The following ZC3H12B variants were observed in gnomAD, a reference collection of about 807,000 sequenced individuals.
ZC3H12B encodes probable ribonuclease ZC3H12B.
In ZC3H12B, 7 loss-of-function variants were observed where a neutral mutation model predicts 43.9. The observed-to-expected ratio is 0.16, with a 90% confidence interval of 0.09 to 0.30. The LOEUF is 0.30. ZC3H12B is among the 10% of genes least tolerant of loss of function. The pLI, the probability that ZC3H12B is intolerant of heterozygous loss-of-function variation, is 1.00. For synonymous variants in ZC3H12B, 222 were observed against 241.7 expected (o/e 0.92, Z 0.76); for missense variants, 475 against 670.2 (o/e 0.71, Z 3.22).
chrX:65,292,197 T>A, the ZC3H12B span, among the ~76,000 whole-genome samples: 1 of 111,835 alleles, frequency 8.9e-6, no homozygotes, highest in African/African-American at 3.2e-5. Flanking sequence ...GGACTACTAG[T>A]CACAACAGAA....
chrX:65,442,758 G>A (rs922911468), intron 3 of ZC3H12B, among the ~76,000 whole-genome samples: 1 of 112,184 alleles, frequency 8.9e-6, no homozygotes, highest in African/African-American at 3.2e-5. Flanking sequence ...TTTATTGCTT[G>A]TTTTAATTTT....
the ZC3H12B span, among the ~76,000 whole-genome samples, chrX:65,180,945 G>A: frequency 9.0e-6 from 1 of 111,292 alleles, no homozygotes; most frequent in African/African-American, 3.3e-5. Context: ...ATGGAGCCAA[G>A]ACAATCTCAA....
the ZC3H12B span, among the ~76,000 whole-genome samples, chrX:65,192,074 G>A: frequency 3.6e-5 from 4 of 110,321 alleles, no homozygotes; most frequent in African/African-American, 1.3e-4. Context: ...TAGTCATTGA[G>A]GAGCAGGTTG....
the ZC3H12B span, among the ~76,000 whole-genome samples, chrX:65,283,641 G>T: frequency 9.0e-6 from 1 of 111,595 alleles, no homozygotes; most frequent in African/African-American, 3.3e-5. Context: ...GGAGGCTGCC[G>T]GGAAGCCTTG....
intron 3 of ZC3H12B, among the ~76,000 whole-genome samples, chrX:65,416,252 TTTC>T (rs2066959152): frequency 9.0e-6 from 1 of 111,649 alleles, no homozygotes; most frequent in Non-Finnish European, 1.9e-5. Context: ...AAAATATTTA[TTTC>T]TTATGTCTCT....
chrX:65,094,073 G>A, the ZC3H12B span, among the ~76,000 whole-genome samples: 2 of 109,981 alleles, frequency 1.8e-5, no homozygotes, highest in Non-Finnish European at 3.8e-5. Flanking sequence ...CATGAGATCT[G>A]GTTGTTTGTT....
chrX:65,263,174 C>T, the ZC3H12B span, among the ~76,000 whole-genome samples: 4 of 111,135 alleles, frequency 3.6e-5, no homozygotes, highest in Admixed American at 3.8e-4. Flanking sequence ...CAATGGTTGG[C>T]AGATAATCAC....
chrX:65,093,937 C>A, the ZC3H12B span, among the ~76,000 whole-genome samples: 1 of 110,848 alleles, frequency 9.0e-6, no homozygotes, highest in Non-Finnish European at 1.9e-5. Context: ...GACCTGTATC[C>A]CCACCCAAAT....
the ZC3H12B span, among the ~76,000 whole-genome samples, chrX:65,227,110 A>T: frequency 1.8e-5 from 2 of 111,627 alleles, no homozygotes; most frequent in Non-Finnish European, 3.8e-5. Context: ...CACCTATTCC[A>T]AAATTGACCA....
At chrX:65,499,753 G>C (rs1388394343) in intron 3 of ZC3H12B, 130 bp from the exon 9 acceptor site, 2 of 509,171 alleles carry the variant, frequency 3.9e-6, no homozygotes, top group Non-Finnish European at 6.9e-6. Context: ...GCAGAGGATA[G>C]ACTTGAGGCA....
At chrX:65,445,189 T>G (rs1251700239) in intron 3 of ZC3H12B, among the ~76,000 whole-genome samples, 3 of 112,685 alleles carry the variant, frequency 2.7e-5, no homozygotes, top group Non-Finnish European at 1.9e-5. Context: ...CATATCTGTA[T>G]CTCTCTGAAA....
intron 1 of ZC3H12B, among the ~76,000 whole-genome samples, chrX:65,368,010 T>C (rs1029294557): frequency 1.8e-5 from 2 of 111,960 alleles, no homozygotes; most frequent in African/African-American, 6.5e-5. Context: ...ATACTTTGCT[T>C]CTGGACCATA....
chrX:65,120,632 C>T, the ZC3H12B span, among the ~76,000 whole-genome samples: 1 of 111,044 alleles, frequency 9.0e-6, no homozygotes, highest in East Asian at 2.8e-4. Flanking sequence ...TAATTGAATA[C>T]CCTTTATTTC....
chrX:65,058,250 A>G, the ZC3H12B span, among the ~76,000 whole-genome samples: 1 of 111,259 alleles, frequency 9.0e-6, no homozygotes, highest in Non-Finnish European at 1.9e-5. Context: ...TGACATACAG[A>G]TGGGGTTTTG....
chrX:65,072,642 A>T, the ZC3H12B span, among the ~76,000 whole-genome samples: 1 of 111,408 alleles, frequency 9.0e-6, no homozygotes. Context: ...TTCTGAAGAT[A>T]TTGGGGGGCA....
the ZC3H12B span, among the ~76,000 whole-genome samples, chrX:65,350,320 G>A: frequency 9.0e-6 from 1 of 111,634 alleles, no homozygotes; most frequent in East Asian, 2.8e-4. Context: ...AATAAAGTGG[G>A]TATTAATAGA....
chrX:65,226,094 T>C, the ZC3H12B span, among the ~76,000 whole-genome samples: 2 of 110,865 alleles, frequency 1.8e-5, no homozygotes, highest in East Asian at 5.7e-4. Flanking sequence ...AAAGATGAAA[T>C]GAAGGAAAAA....
chrX:65,342,135 A>T, the ZC3H12B span, among the ~76,000 whole-genome samples: 1 of 111,822 alleles, frequency 8.9e-6, no homozygotes, highest in Non-Finnish European at 1.9e-5. Flanking sequence ...AAAATGACAG[A>T]CTTTAAACCA....
chrX:65,397,645 G>A (rs1332299713), intron 2 of ZC3H12B, among the ~76,000 whole-genome samples: 1 of 111,003 alleles, frequency 9.0e-6, no homozygotes, highest in Non-Finnish European at 1.9e-5. Flanking sequence ...ATGATAAAAG[G>A]CATATACAAT....
Sources: allele counts gnomAD v4.1 joint callset (sites outside exome capture counted in the v4.1 genomes callset), GRCh38; gene constraint gnomAD v4.1.1; transcripts MANE v1.5; gene names NCBI Gene and HGNC (gene_info 2026-07-23, HGNC 2026-07-21).